The following GTF2H4 variants were observed in gnomAD, a reference collection of about 807,000 sequenced individuals.
The protein encoded by GTF2H4 is BTF2 p52.
GTF2H4 carries 49 observed loss-of-function variants against 62.2 expected under a neutral mutation model. The ratio of observed to expected loss-of-function variants is 0.79; its 90% CI spans 0.63 to 1.00. The LOEUF (loss-of-function observed/expected upper bound fraction) is 1.00, where lower values mean the gene tolerates loss of function less well. Among genes scored for constraint, GTF2H4 ranks in the 50% least tolerant of loss-of-function variants. The pLI, the probability that GTF2H4 is intolerant of heterozygous loss-of-function variation, is 0.00. For synonymous variants in GTF2H4, 189 were observed against 233.8 expected, an observed-to-expected ratio of 0.81 and a Z score of 1.75; for missense variants, 479 against 587.8, an observed-to-expected ratio of 0.81 and a Z score of 1.91.
In GTF2H4 at chr6:30,911,517, A is replaced by G; in HGVS notation, c.741+18A>G. ...TGGGCAAGGTAAGCAGGGGGCTGAA[A>G]GGTATAGAGATGGGAAGGGGAAAGC... On this transcript the variant is annotated intron_variant, in intron 8 of 13. Transcript: ENST00000259895. This position sits in a 1 kb window ranked among gnomAD's most constrained non-coding sequence, Gnocchi z 4.3. 6.2e-7 allele frequency: 1 copy of G among 1,607,384 alleles called. No homozygotes were observed. The highest frequency in any genetic ancestry group is 1.1e-5 in the South Asian group (1 of 90,934).
At position 30,912,298 on chromosome 6, in the gene GTF2H4, C is replaced by T; in HGVS notation, c.959-30C>T. ...GAGGGAGTCTGGGTGTGGGGGTGGCCTCCTCATCCTCTTTCTATCCCTGGC... is the reference window on the plus strand; with the variant it reads ...GAGGGAGTCTGGGTGTGGGGGTGGCTTCCTCATCCTCTTTCTATCCCTGGC... On this transcript the variant is annotated intron_variant, in intron 10 of 13. Transcript: ENST00000259895. The surrounding 1 kb of genome is among the most constrained non-coding windows in gnomAD (Gnocchi z 4.8). 1 of 1,611,670 alleles carries T rather than the reference C, an allele frequency of 6.2e-7. No individual in the cohort carries two copies. The highest frequency in any genetic ancestry group is 2.2e-5 in the East Asian group (1 of 44,864).
At position 30,910,633 on chromosome 6, in the gene GTF2H4, G is replaced by A; in HGVS notation, c.375-32G>A. 6.5e-7 allele frequency: 1 copy of A among 1,534,396 alleles called. No individual in the cohort carries two copies. Among genetic ancestry groups the A allele is most frequent in the Non-Finnish European group, 9.0e-7 (1 of 1,108,942 alleles). On this transcript the variant is annotated intron_variant, in intron 4 of 13. Coordinates refer to ENST00000259895, the MANE Select transcript of GTF2H4 (RefSeq NM_001517.5). The surrounding 1 kb of genome is among the most constrained non-coding windows in gnomAD (Gnocchi z 4.7). ...GGTGTGAGCCACTGCGCCTGGCCAG[G>A]GTTCCTTACTCTTGGCCCATCCTGG...
Position 30,913,793 on chromosome 6 carries a change from C to T in GTF2H4, c.1217-18C>T. On this transcript the variant is annotated intron_variant, in intron 13 of 13. Coordinates refer to ENST00000259895, the MANE Select transcript of GTF2H4 (RefSeq NM_001517.5). The surrounding 1 kb of genome is among the most constrained non-coding windows in gnomAD (Gnocchi z 4.2). ...TTCTCGTCTTCTCCCCGCGCCCCTC[C>T]CGTCCTGCCGACCCCAGGTGTCCTG... The T allele has an allele frequency of 6.5e-7, 1 of 1,536,190 alleles. No individual in the cohort carries two copies. The highest frequency in any genetic ancestry group is 8.8e-7 in the Non-Finnish European group (1 of 1,138,406).
chr6:30,909,850 C>G lies in GTF2H4; in HGVS notation c.243-82C>G. ...ACAGTGTTCCAAGGGTCAGCAAGTTCAGAACAGGCAGAGATGGTGGCTTTT... is the reference window on the plus strand; with the variant it reads ...ACAGTGTTCCAAGGGTCAGCAAGTTGAGAACAGGCAGAGATGGTGGCTTTT... On this transcript the variant is annotated intron_variant, in intron 3 of 13. Transcript: ENST00000259895. The surrounding 1 kb of genome is among the most constrained non-coding windows in gnomAD (Gnocchi z 4.3). 1 of 1,386,112 alleles carries G rather than the reference C, an allele frequency of 7.2e-7. No homozygotes were observed. Among genetic ancestry groups the G allele is most frequent in the Non-Finnish European group, 9.9e-7 (1 of 1,008,780 alleles). The allele number at this position is 1,386,112 out of a possible 1,614,324, so 85.9% of individuals were successfully genotyped here. A position where few individuals can be genotyped will look rare whatever the true frequency, so the allele number is the denominator to read the frequency against.
rs990771880 is a variant in GTF2H4 at position 30,912,201 on chromosome 6, G to A, written c.958+55G>A. 8.1e-6 allele frequency: 13 copies of A among 1,606,780 alleles called. No individual in the cohort carries two copies. In the African/African-American group the frequency reaches 1.7e-4, roughly 21 times the overall value. On this transcript the variant is annotated intron_variant, in intron 10 of 13. Coordinates refer to ENST00000259895, the MANE Select transcript of GTF2H4 (RefSeq NM_001517.5). This position sits in a 1 kb window ranked among gnomAD's most constrained non-coding sequence, Gnocchi z 4.8. Reference sequence around the variant, plus strand: ...GGAGGTTGGGGGTGAGGGAATGCCAGTTTATGTTCGTGTTTACCTGGCAGT... The same window carrying A: ...GGAGGTTGGGGGTGAGGGAATGCCAATTTATGTTCGTGTTTACCTGGCAGT...
Position 30,911,114 on chromosome 6 carries a change from C to G in GTF2H4, c.561-44C>G, listed in dbSNP as rs1041776789. 5 of 1,481,114 alleles carry G rather than the reference C, an allele frequency of 3.4e-6. No homozygotes were observed. Among genetic ancestry groups the G allele is most frequent in the Non-Finnish European group, 3.8e-6 (4 of 1,060,184 alleles). The allele number at this position is 1,481,114 out of a possible 1,614,324, so 91.7% of individuals were successfully genotyped here. A position where few individuals can be genotyped will look rare whatever the true frequency, so the allele number is the denominator to read the frequency against. On this transcript the variant is annotated intron_variant, in intron 6 of 13. Transcript: ENST00000259895. This position sits in a 1 kb window ranked among gnomAD's most constrained non-coding sequence, Gnocchi z 4.3. ...TGAGTGGACAAGTGGGGATAGTAGT[C>G]TTTCTCTGCATATCACCATCATTGT...
Position 30,912,145 on chromosome 6 carries a change from G to A in GTF2H4, c.957G>A (p.Thr319=), listed in dbSNP as rs149410249. ...VETNYRLYAY[T]ESELQIALIA... The stretch of plus-strand genomic sequence containing the variant: ...CCAATTACCGACTGTATGCCTACAC[G>A]GGTGAGGCGGGACAGAGGGCCCCTG... Residue 319 remains threonine (T), a splice_region_variant and synonymous_variant, in exon 10 of 14, where the codon ACG becomes ACA. Coordinates refer to ENST00000259895, the MANE Select transcript of GTF2H4 (RefSeq NM_001517.5). The surrounding 1 kb of genome is among the most constrained non-coding windows in gnomAD (Gnocchi z 4.8). The A allele has an allele frequency of 1.3e-4, 210 of 1,612,796 alleles. No individual in the cohort carries two copies. The highest frequency in any genetic ancestry group is 1.7e-4 in the Non-Finnish European group (205 of 1,180,000).
chr6:30,910,762 G>A lies in GTF2H4; in HGVS notation c.471+1G>A. 2 of 1,611,492 alleles carry A rather than the reference G, an allele frequency of 1.2e-6. No individual in the cohort carries two copies. Among genetic ancestry groups the A allele is most frequent in the Non-Finnish European group, 1.7e-6 (2 of 1,178,694 alleles). On this transcript the variant is annotated splice_donor_variant, in intron 5 of 13. Coordinates refer to ENST00000259895, the MANE Select transcript of GTF2H4 (RefSeq NM_001517.5). LOFTEE classifies it high-confidence loss of function. This position sits in a 1 kb window ranked among gnomAD's most constrained non-coding sequence, Gnocchi z 4.7. ...CAAGTACGCCGAGGAGCGATGGGAGGTAAGCACTTGGGAGTGTGTGTGTCT... is the reference window on the plus strand; with the variant it reads ...CAAGTACGCCGAGGAGCGATGGGAGATAAGCACTTGGGAGTGTGTGTGTCT...
chr6:30,910,931 C>T lies in GTF2H4; in HGVS notation c.550C>T (p.Leu184Phe). The change falls in exon 6 of 14, where the codon CTC becomes TTC. Residue 184 changes from leucine (L) to phenylalanine (F), a missense_variant. Coordinates refer to ENST00000259895, the MANE Select transcript of GTF2H4 (RefSeq NM_001517.5). The surrounding 1 kb of genome is among the most constrained non-coding windows in gnomAD (Gnocchi z 4.7). The stretch of plus-strand genomic sequence containing the variant: ...GGCTCAGCTCCTCAGCCAGGCTGGG[C>T]TCATGAAGAGGTGAGGAAGCCGGAG... ...DLAQLLSQAG[L>F]MKSTEPGEPP... The T allele has an allele frequency of 6.2e-7, 1 of 1,607,686 alleles. No homozygotes were observed. Among genetic ancestry groups the T allele is most frequent in the Non-Finnish European group, 8.5e-7 (1 of 1,177,576 alleles).
Position 30,910,925 on chromosome 6 carries a change from G to T in GTF2H4, c.544G>T (p.Ala182Ser), listed in dbSNP as rs974542366. 1 of 1,609,138 alleles carries T rather than the reference G, an allele frequency of 6.2e-7. No homozygotes were observed. ...GGACTTGGCTCAGCTCCTCAGCCAG[G>T]CTGGGCTCATGAAGAGGTGAGGAAG... The part of the protein sequence containing the change: ...SQDLAQLLSQ[A>S]GLMKSTEPGE... The change falls in exon 6 of 14, where the codon GCT becomes TCT. Residue 182 changes from alanine to serine, a missense_variant. Ala to Ser is a moderately conservative substitution (Grantham distance 99). Transcript: ENST00000259895. The surrounding 1 kb of genome is among the most constrained non-coding windows in gnomAD (Gnocchi z 4.7).
Position 30,911,249 on chromosome 6 carries a change from C to A in GTF2H4, c.652C>A (p.Gln218Lys). 1 of 1,613,278 alleles carries A rather than the reference C, an allele frequency of 6.2e-7. No individual in the cohort carries two copies. Among genetic ancestry groups the A allele is most frequent in the Non-Finnish European group, 8.5e-7 (1 of 1,179,798 alleles). The change falls in exon 7 of 14, where the codon CAG becomes AAG. Residue 218 changes from glutamine to lysine, a missense_variant. By Grantham distance (53) the Gln-to-Lys change is moderately conservative. Transcript: ENST00000259895. The surrounding 1 kb of genome is among the most constrained non-coding windows in gnomAD (Gnocchi z 4.3). Reference protein sequence around the residue: ...TPAQLWYFMLQYLQTAQSRGM... With the variant: ...TPAQLWYFMLKYLQTAQSRGM... ...GGCTCAGCTCTGGTACTTTATGTTG[C>A]AGTATTTGCAGACAGCCCAGGTGAG...
rs540620554 is a variant in GTF2H4 at position 30,910,431 on chromosome 6, G to A, written c.375-234G>A. Among the ~76,000 whole-genome samples the A allele has an allele frequency of 6.6e-6, 1 of 152,148 alleles. No individual in the cohort carries two copies. The highest frequency in any genetic ancestry group is 6.5e-5 in the Admixed American group (1 of 15,274). ...GGCAGCCTCTACCTCCTGGGTTCAAGTGATTCTCCTGCCTCAGCCTCCTGA... is the reference window on the plus strand; with the variant it reads ...GGCAGCCTCTACCTCCTGGGTTCAAATGATTCTCCTGCCTCAGCCTCCTGA... On this transcript the variant is annotated intron_variant, in intron 4 of 13. Transcript: ENST00000259895. This position sits in a 1 kb window ranked among gnomAD's most constrained non-coding sequence, Gnocchi z 4.7.
In GTF2H4 at chr6:30,909,845, A is replaced by T; in HGVS notation, c.243-87A>T. On this transcript the variant is annotated intron_variant, in intron 3 of 13. Transcript: ENST00000259895. The surrounding 1 kb of genome is among the most constrained non-coding windows in gnomAD (Gnocchi z 4.3). The stretch of plus-strand genomic sequence containing the variant: ...GTGGAACAGTGTTCCAAGGGTCAGC[A>T]AGTTCAGAACAGGCAGAGATGGTGG... The T allele has an allele frequency of 7.5e-7, 1 of 1,325,962 alleles. No individual in the cohort carries two copies. The highest frequency in any genetic ancestry group is 1.4e-5 in the South Asian group (1 of 72,508). 82.1% of individuals were successfully genotyped at this position (1,325,962 alleles called of 1,614,324 possible).
rs1412273691 is a variant in GTF2H4 at position 30,914,104 on chromosome 6, G to C, written c.*121G>C. ...TTGTTTAATAAAGTTATGATAGCTA[G>C]CAGTGCGGTCCCGGGCGCCTCCCCG... On this transcript the variant is annotated 3_prime_UTR_variant, in exon 14 of 14. Transcript: ENST00000259895. The C allele has an allele frequency of 8.2e-6, 8 of 976,694 alleles. No individual in the cohort carries two copies. In the Admixed American group the frequency reaches 2.5e-4, roughly 30 times the overall value. 60.5% of individuals were successfully genotyped at this position (976,694 alleles called of 1,614,324 possible).
At position 30,909,904 on chromosome 6, in the gene GTF2H4, C is replaced by G. The variant is rs1793693065; in HGVS notation, c.243-28C>G. On this transcript the variant is annotated intron_variant, in intron 3 of 13. Transcript: ENST00000259895. The surrounding 1 kb of genome is among the most constrained non-coding windows in gnomAD (Gnocchi z 4.3). ...GGCCTCCTTTTTGTTTTCCAAATAC[C>G]CTACTCACCTCTCTGCTTCTGTTCC... is the stretch of plus-strand genomic sequence containing the variant. 6.3e-7 allele frequency: 1 copy of G among 1,592,650 alleles called. No individual in the cohort carries two copies. Among genetic ancestry groups the G allele is most frequent in the Non-Finnish European group, 8.5e-7 (1 of 1,172,018 alleles).
At position 30,912,435 on chromosome 6, in the gene GTF2H4, G is replaced by A. The variant is rs769077675; in HGVS notation, c.1066G>A (p.Ala356Thr). ...CCGGGAGAGTGTGCAGCAGGCAATC[G>A]CCAGTGGCATCACAGCCCAGCAGGT... Reference protein sequence around the residue: ...VTRESVQQAIASGITAQQIIH... With the variant: ...VTRESVQQAITSGITAQQIIH... The change falls in exon 11 of 14, where the codon GCC (alanine) becomes ACC (threonine). Residue 356 changes from alanine to threonine, a missense_variant. By Grantham distance (58) the Ala-to-Thr change is moderately conservative. Coordinates refer to ENST00000259895, the MANE Select transcript of GTF2H4 (RefSeq NM_001517.5). This position sits in a 1 kb window ranked among gnomAD's most constrained non-coding sequence, Gnocchi z 4.8. 2.5e-6 allele frequency: 4 copies of A among 1,612,656 alleles called. No homozygotes were observed. The highest frequency in any genetic ancestry group is 1.1e-5 in the South Asian group (1 of 91,078).
At position 30,914,022 on chromosome 6, in the gene GTF2H4, T is replaced by TGG; in HGVS notation, c.*41_*42dup. 1 of 698,684 alleles carries TGG rather than the reference T, an allele frequency of 1.4e-6. No homozygotes were observed. The allele number at this position is 698,684 out of a possible 1,614,324, so 43.3% of individuals were successfully genotyped here. A position where few individuals can be genotyped will look rare whatever the true frequency, so the allele number is the denominator to read the frequency against. On this transcript the variant is annotated 3_prime_UTR_variant, in exon 14 of 14. Transcript: ENST00000259895. ...GGACACGGACCTCGGCGGGCGGGAC[T>TGG]GGGCGGGGCGGGGCATCAGAACTCA...
In GTF2H4 at chr6:30,913,118, T is replaced by A; in HGVS notation, c.1098T>A (p.His366Gln). Residue 366 changes from histidine (H) to glutamine (Q), a missense_variant, in exon 12 of 14, where the codon CAT (histidine) becomes CAA (glutamine). Physicochemically the swap from His to Gln is conservative, Grantham distance 24 (BLOSUM62 0). Coordinates refer to ENST00000259895, the MANE Select transcript of GTF2H4 (RefSeq NM_001517.5). This position sits in a 1 kb window ranked among gnomAD's most constrained non-coding sequence, Gnocchi z 4.2. ...ASGITAQQII[H>Q]FLRTRAHPVM... ...CTTGTCTGTTTTCCTAGATAATCCA[T>A]TTCCTAAGGACAAGAGCCCACCCAG... 1 of 1,614,088 alleles carries A rather than the reference T, an allele frequency of 6.2e-7. No individual in the cohort carries two copies. The highest frequency in any genetic ancestry group is 8.5e-7 in the Non-Finnish European group (1 of 1,179,994).
At position 30,909,216 on chromosome 6, in the gene GTF2H4, G is replaced by A. The variant is rs758385874; in HGVS notation, c.137+43G>A. The stretch of plus-strand genomic sequence containing the variant: ...GGCAGGGAAATGTAATGGGGTCTGC[G>A]GAGTGGAATAAAATATCATAGGTAA... On this transcript the variant is annotated intron_variant, in intron 2 of 13. Coordinates refer to ENST00000259895, the MANE Select transcript of GTF2H4 (RefSeq NM_001517.5). This position sits in a 1 kb window ranked among gnomAD's most constrained non-coding sequence, Gnocchi z 4.3. 5 of 1,584,454 alleles carry A rather than the reference G, an allele frequency of 3.2e-6. No individual in the cohort carries two copies. The highest frequency in any genetic ancestry group is 2.3e-5 in the East Asian group (1 of 44,254).
Sources: allele counts gnomAD v4.1 joint callset (sites outside exome capture counted in the v4.1 genomes callset), GRCh38; gene constraint gnomAD v4.1.1; non-coding constraint Gnocchi (gnomAD v3.1); transcripts MANE v1.5; gene names NCBI Gene and HGNC (gene_info 2026-07-23, HGNC 2026-07-21).